TOLLIP: variants seen among roughly 807,000 people sequenced by gnomAD.
TOLLIP encodes the protein toll-interacting protein.
Under a neutral mutation model 33.5 loss-of-function variants are expected in TOLLIP, and 16 were observed. That is an observed-to-expected ratio of 0.48 (90% CI 0.32 to 0.72). TOLLIP has a LOEUF of 0.72. TOLLIP is among the 30% of genes least tolerant of loss of function. TOLLIP has a pLI of 0.03. For missense variants in TOLLIP, 325 were observed against 396.6 expected (o/e 0.82, Z 1.53); for synonymous variants, 176 against 163.7 (o/e 1.07, Z -0.57).
chr11:1,276,611 C>T lies in TOLLIP; in HGVS notation c.*428G>A, dbSNP rs929564194. 2 of 1,232,208 alleles carry T rather than the reference C, an allele frequency of 1.6e-6. No homozygotes were observed. The highest frequency in any genetic ancestry group is 1.6e-5 in the African/African-American group (1 of 64,462). 76.3% of individuals were successfully genotyped at this position (1,232,208 alleles called of 1,614,324 possible). A position where few individuals can be genotyped will look rare whatever the true frequency, so the allele number is the denominator to read the frequency against. ...TCTGGGAAGTTCTAAAAAAAACCCA[C>T]AGTGTGAGGGATTGTGTGTGCCTTA... On this transcript the variant is annotated 3_prime_UTR_variant, in exon 6 of 6. Coordinates refer to ENST00000317204, the MANE Select transcript of TOLLIP (RefSeq NM_019009.4).
chr11:1,303,646 C>A lies in TOLLIP; in HGVS notation c.33+5820G>T, dbSNP rs1208543792. On this transcript the variant is annotated intron_variant, in intron 1 of 5. Coordinates refer to ENST00000317204, the MANE Select transcript of TOLLIP (RefSeq NM_019009.4). The surrounding 1 kb of genome is among the most constrained non-coding windows in gnomAD (Gnocchi z 4.2). ...GGTGCCAGGGCAGGGCCCGCAGGAT[C>A]TGGAGACAGTGACTCAGGGACAGGA... is the stretch of plus-strand genomic sequence containing the variant. Among the ~76,000 whole-genome samples the A allele has an allele frequency of 1.3e-5, 2 of 152,230 alleles. No homozygotes were observed. The highest frequency in any genetic ancestry group is 2.9e-5 in the Non-Finnish European group (2 of 68,048).
At position 1,277,094 on chromosome 11, in the gene TOLLIP, C is replaced by T. The variant is rs528881976; in HGVS notation, c.770G>A (p.Arg257Gln). 3 of 1,614,126 alleles carry T rather than the reference C, an allele frequency of 1.9e-6. No homozygotes were observed. Among genetic ancestry groups the T allele is most frequent in the East Asian group, 2.2e-5 (1 of 44,876 alleles). ...EVIRSVLEAQ[R>Q]GNKDAAINSL... ...GTTGATGGCGGCATCCTTGTTCCCTCGCTGGGCTTCCAGCACGGAGCGGAT... is the reference window on the plus strand; with the variant it reads ...GTTGATGGCGGCATCCTTGTTCCCTTGCTGGGCTTCCAGCACGGAGCGGAT... The change falls in exon 6 of 6, where the codon CGA becomes CAA. Residue 257 changes from arginine to glutamine, a missense_variant. Coordinates refer to ENST00000317204, the MANE Select transcript of TOLLIP (RefSeq NM_019009.4). This position sits in a 1 kb window ranked among gnomAD's most constrained non-coding sequence, Gnocchi z 4.2.
At chr11:1,305,038 C>T (rs1864389869) in intron 1 of TOLLIP, among the ~76,000 whole-genome samples, 1 of 152,194 alleles carries the variant, frequency 6.6e-6, no homozygotes, top group Non-Finnish European at 1.5e-5. Context: ...GGAAAAAGTA[C>T]TAGGTGAATA....
chr11:1,291,433 G>A (rs1478574346), intron 2 of TOLLIP, among the ~76,000 whole-genome samples: 3 of 149,360 alleles, frequency 2.0e-5, no homozygotes, highest in African/African-American at 7.4e-5. Flanking sequence ...GTGGAACAGA[G>A]TCCAGACACT....
At chr11:1,309,431 ACCGCCC>A in intron 1 of TOLLIP, 29 bp downstream of exon 1, 1 of 1,237,518 alleles carries the variant, frequency 8.1e-7, no homozygotes, top group Non-Finnish European at 1.0e-6. Flanking sequence ...ACCGCAGGTC[ACCGCCC>A]CCGCCCGACC....
Position 1,295,804 on chromosome 11 carries a change from C to G in TOLLIP, c.34-10G>C. On this transcript the variant is annotated splice_polypyrimidine_tract_variant and intron_variant, in intron 1 of 5. Coordinates refer to ENST00000317204, the MANE Select transcript of TOLLIP (RefSeq NM_019009.4). ...GCTCACCGATGTACACCTGCGGGGCCGGGGACCAGAGAGGCCAGTGAGTCA... is the reference window on the plus strand; with the variant it reads ...GCTCACCGATGTACACCTGCGGGGCGGGGGACCAGAGAGGCCAGTGAGTCA... 5 of 1,546,456 alleles carry G rather than the reference C, an allele frequency of 3.2e-6. No individual in the cohort carries two copies. Among genetic ancestry groups the G allele is most frequent in the African/African-American group, 1.4e-5 (1 of 73,390 alleles).
chr11:1,295,558 A>G, intron 2 of TOLLIP, 87 bp downstream of exon 2: 1 of 1,390,690 alleles, frequency 7.2e-7, no homozygotes, highest in Non-Finnish European at 9.6e-7. Context: ...CCCGCTTAGG[A>G]AATGCAGTAT....
chr11:1,279,323 T>G (rs1031954593), intron 5 of TOLLIP, among the ~76,000 whole-genome samples: 2 of 152,162 alleles, frequency 1.3e-5, no homozygotes, highest in Non-Finnish European at 2.9e-5. Flanking sequence ...CTCACTCCCC[T>G]CCTTCCTGCA....
At chr11:1,307,708 G>A (rs767732605) in intron 1 of TOLLIP, among the ~76,000 whole-genome samples, 13 of 152,176 alleles carry the variant, frequency 8.5e-5, no homozygotes, top group African/African-American at 1.2e-4. Flanking sequence ...TGGCTGCCAC[G>A]GCAACTTGCG....
chr11:1,289,572 C>A (rs567140594), intron 3 of TOLLIP, among the ~76,000 whole-genome samples: 1 of 152,324 alleles, frequency 6.6e-6, no homozygotes, highest in Non-Finnish European at 1.5e-5. Flanking sequence ...TCTGGAAATC[C>A]CACCTGCTGG....
At chr11:1,304,836 A>G (rs1864383272) in intron 1 of TOLLIP, among the ~76,000 whole-genome samples, 1 of 152,282 alleles carries the variant, frequency 6.6e-6, no homozygotes, top group South Asian at 2.1e-4. Context: ...TAAAAGCACC[A>G]AAGAAAACAT....
chr11:1,277,009 CG>C lies in TOLLIP; in HGVS notation c.*29del, dbSNP rs1240716613. The stretch of plus-strand genomic sequence containing the variant: ...GCGCCGGGTCGGCGTGTCCAAAGAG[CG>C]GGGGCAAAACGGCATCGAGGCAGAG... On this transcript the variant is annotated 3_prime_UTR_variant, in exon 6 of 6. Coordinates refer to ENST00000317204, the MANE Select transcript of TOLLIP (RefSeq NM_019009.4). The surrounding 1 kb of genome is among the most constrained non-coding windows in gnomAD (Gnocchi z 4.2). 2 of 1,604,458 alleles carry C rather than the reference CG, an allele frequency of 1.2e-6. No individual in the cohort carries two copies. The highest frequency in any genetic ancestry group is 1.3e-5 in the African/African-American group (1 of 74,780).
chr11:1,301,595 C>A (rs887006683), intron 1 of TOLLIP, among the ~76,000 whole-genome samples: 13 of 152,178 alleles, frequency 8.5e-5, no homozygotes, highest in African/African-American at 3.1e-4. Context: ...CCCAAGAACC[C>A]CTTGTGCCCT....
At chr11:1,280,271 T>C (rs1863449402) in intron 5 of TOLLIP, among the ~76,000 whole-genome samples, 1 of 152,216 alleles carries the variant, frequency 6.6e-6, no homozygotes, top group Admixed American at 6.5e-5. Flanking sequence ...TGGCCCTCTC[T>C]GGAACTCACA....
chr11:1,290,080 G>A lies in TOLLIP; in HGVS notation c.366+147C>T, dbSNP rs777007400. 1.1e-5 allele frequency: 8 copies of A among 698,992 alleles called. No individual in the cohort carries two copies. The highest frequency in any genetic ancestry group is 5.3e-5 in the Admixed American group (2 of 37,626). The allele number at this position is 698,992 out of a possible 1,614,324, so 43.3% of individuals were successfully genotyped here. On this transcript the variant is annotated intron_variant, in intron 3 of 5. Transcript: ENST00000317204. The surrounding 1 kb of genome is among the most constrained non-coding windows in gnomAD (Gnocchi z 4.9). Reference sequence around the variant, plus strand: ...TTTTTCACATTCCTTGGGGAGAGCAGGACCCTGTCATGCACCCAATGAAAC... The same window carrying A: ...TTTTTCACATTCCTTGGGGAGAGCAAGACCCTGTCATGCACCCAATGAAAC...
rs185100415 is a variant in TOLLIP, at chr11:1,303,773, C to T, written c.33+5693G>A. On this transcript the variant is annotated intron_variant, in intron 1 of 5. Transcript: ENST00000317204. This position sits in a 1 kb window ranked among gnomAD's most constrained non-coding sequence, Gnocchi z 4.2. ...GGTTAGGGCCGGGTGCAGTGGCTCA[C>T]GCCTGTAATCCCAAAACTTTGGGAG... Among the ~76,000 whole-genome samples, 129 of 152,328 alleles carry T rather than the reference C, an allele frequency of 8.5e-4. No individual in the cohort carries two copies. Among genetic ancestry groups the T allele is most frequent in the African/African-American group, 2.8e-3 (116 of 41,568 alleles).
intron 5 of TOLLIP, among the ~76,000 whole-genome samples, chr11:1,285,439 G>A (rs960844944): frequency 1.3e-5 from 2 of 152,254 alleles, no homozygotes; most frequent in African/African-American, 4.8e-5. Flanking sequence ...CAGCTGGACC[G>A]AAAATGCAAC....
Position 1,275,050 on chromosome 11 carries a change from A to T in TOLLIP, c.*1989T>A, listed in dbSNP as rs1374100076. 1.3e-5 allele frequency: 2 copies of T among 152,268 alleles called. No homozygotes were observed. Among genetic ancestry groups the T allele is most frequent in the African/African-American group, 4.8e-5 (2 of 41,472 alleles). 9.4% of individuals were successfully genotyped at this position (152,268 alleles called of 1,614,324 possible). A position where few individuals can be genotyped will look rare whatever the true frequency, so the allele number is the denominator to read the frequency against. ...CAAAATGTGATTTGTCTATTAAAAA[A>T]ATAAAGCGCTTGTGAAAAAGAAAAC... On this transcript the variant is annotated 3_prime_UTR_variant, in exon 6 of 6. Transcript: ENST00000317204.
intron 1 of TOLLIP, among the ~76,000 whole-genome samples, chr11:1,299,844 C>A (rs1864214116): frequency 6.6e-6 from 1 of 152,222 alleles, no homozygotes; most frequent in African/African-American, 2.4e-5. Flanking sequence ...ACCAGCCAGG[C>A]ACATCCACCC....
Sources: gnomAD v4.1 joint callset for allele counts (sites outside exome capture counted in the v4.1 genomes callset) on GRCh38, gnomAD v4.1.1 for gene constraint, Gnocchi (gnomAD v3.1) non-coding constraint, MANE v1.5 for transcripts, NCBI Gene and HGNC (gene_info 2026-07-23, HGNC 2026-07-21) for gene names.